The following CEP170 variants were observed in gnomAD, a reference collection of about 807,000 sequenced individuals.
The protein encoded by CEP170 is centrosomal protein of 170 kDa.
CEP170 carries 21 observed loss-of-function variants against 151.9 expected under a neutral mutation model. That is an observed-to-expected ratio of 0.14 (90% confidence interval 0.10 to 0.20). The LOEUF (loss-of-function observed/expected upper bound fraction) is 0.20, where lower values mean the gene tolerates loss of function less well. Among genes scored for constraint, CEP170 ranks in the 10% least tolerant of loss-of-function variants. The pLI is 1.00. For missense variants in CEP170, 964 were observed against 1,892.9 expected, an observed-to-expected ratio of 0.51 and a Z score of 9.11; for synonymous variants, 356 against 648.8, an observed-to-expected ratio of 0.55 and a Z score of 6.86.
At chr1:243,236,627 G>A (rs1174415176) in intron 1 of CEP170, among the ~76,000 whole-genome samples, 1 of 152,084 alleles carries the variant, frequency 6.6e-6, no homozygotes, top group Non-Finnish European at 1.5e-5. Flanking sequence ...AGTAAACTGG[G>A]GTATAGCATG....
At chr1:243,218,797 C>T (rs1424843118) in intron 3 of CEP170, among the ~76,000 whole-genome samples, 1 of 152,168 alleles carries the variant, frequency 6.6e-6, no homozygotes, top group African/African-American at 2.4e-5. Flanking sequence ...CTTTACAACA[C>T]ATACAACACG....
chr1:243,168,689 T>C (rs2058618685), intron 12 of CEP170, among the ~76,000 whole-genome samples: 1 of 151,950 alleles, frequency 6.6e-6, no homozygotes, highest in African/African-American at 2.4e-5. Flanking sequence ...TAAGTGAGAT[T>C]TTGTACCTTT....
At chr1:243,223,236 G>C (rs2062965306) in intron 2 of CEP170, among the ~76,000 whole-genome samples, 1 of 152,112 alleles carries the variant, frequency 6.6e-6, no homozygotes. Flanking sequence ...ATCTCTCTCT[G>C]AGGAAAAGAG....
At chr1:243,178,925 A>ATC (rs2059438224) in intron 10 of CEP170, among the ~76,000 whole-genome samples, 2 of 152,030 alleles carry the variant, frequency 1.3e-5, no homozygotes, top group East Asian at 3.9e-4. Flanking sequence ...TCACCGTGTT[A>ATC]GCCAGGATGG....
At chr1:243,244,881 AATATG>A (rs2149157513) in intron 1 of CEP170, among the ~76,000 whole-genome samples, 1 of 152,364 alleles carries the variant, frequency 6.6e-6, no homozygotes. Context: ...TTAAATCACA[AATATG>A]ATAGGCATGT....
chr1:243,191,247 A>G lies in CEP170; in HGVS notation c.879T>C (p.Thr293=), dbSNP rs1267950427. Residue 293 remains threonine, a synonymous_variant, in exon 8 of 20, where the codon ACT becomes ACC. Coordinates refer to ENST00000366542, the MANE Select transcript of CEP170 (RefSeq NM_014812.3). Reference sequence around the variant, plus strand: ...TAAACTTTGTCACATGGTCTCTAATAGTTACCTTCCCTGGGGTACTGTCAT... The same window carrying G: ...TAAACTTTGTCACATGGTCTCTAATGGTTACCTTCCCTGGGGTACTGTCAT... ...EFDDSTPGKV[T]IRDHVTKFTS... 4 of 1,609,816 alleles carry G rather than the reference A, an allele frequency of 2.5e-6. No individual in the cohort carries two copies. In the South Asian group the frequency reaches 4.4e-5, roughly 18 times the overall value.
chr1:243,131,781 G>A (rs1482378555), intron 17 of CEP170, among the ~76,000 whole-genome samples: 1 of 152,052 alleles, frequency 6.6e-6, no homozygotes, highest in African/African-American at 2.4e-5. Flanking sequence ...TTCAAAATAA[G>A]CTAAACTTCA....
intron 17 of CEP170, among the ~76,000 whole-genome samples, chr1:243,130,241 G>A (rs1984210): frequency 2.0e-5 from 3 of 152,104 alleles, no homozygotes; most frequent in Non-Finnish European, 2.9e-5. Context: ...CTCTTTATAT[G>A]GGAATAAGCA....
At chr1:243,175,937 C>G (rs1256664869) in intron 10 of CEP170, among the ~76,000 whole-genome samples, 1 of 151,970 alleles carries the variant, frequency 6.6e-6, no homozygotes, top group Non-Finnish European at 1.5e-5. Context: ...GCTGGGACTA[C>G]AGGCGCCCGC....
At chr1:243,167,229 C>G (rs1270158884) in intron 12 of CEP170, among the ~76,000 whole-genome samples, 9 of 151,664 alleles carry the variant, frequency 5.9e-5, no homozygotes, top group Admixed American at 5.9e-4. Flanking sequence ...TTTTGGATTT[C>G]CTAAGTAAAG....
chr1:243,225,784 A>G (rs1652940129), intron 1 of CEP170, among the ~76,000 whole-genome samples: 1 of 152,024 alleles, frequency 6.6e-6, no homozygotes, highest in African/African-American at 2.4e-5. Flanking sequence ...GACCAAATAA[A>G]TTGCTCTTTT....
At chr1:243,237,137 A>C (rs1352160595) in intron 1 of CEP170, among the ~76,000 whole-genome samples, 3 of 152,222 alleles carry the variant, frequency 2.0e-5, no homozygotes, top group Non-Finnish European at 4.4e-5. Flanking sequence ...TATATCACTA[A>C]CACACTTTAC....
chr1:243,141,803 G>A (rs1020328768), intron 15 of CEP170, among the ~76,000 whole-genome samples: 14 of 152,092 alleles, frequency 9.2e-5, no homozygotes, highest in Non-Finnish European at 1.8e-4. Context: ...TTATATGTGT[G>A]TATATTACAT....
intron 1 of CEP170, among the ~76,000 whole-genome samples, chr1:243,227,351 T>C (rs375652404): frequency 2.0e-5 from 3 of 152,256 alleles, no homozygotes; most frequent in African/African-American, 7.2e-5. Flanking sequence ...ATAACCAAAA[T>C]GTGTCTCTCA....
At chr1:243,179,126 T>A (rs1190578708) in intron 10 of CEP170, among the ~76,000 whole-genome samples, 5 of 152,234 alleles carry the variant, frequency 3.3e-5, no homozygotes, top group Non-Finnish European at 7.3e-5. Flanking sequence ...TTAGAAGTCT[T>A]ACATCCATAA....
chr1:243,194,476 GTAAT>G lies in CEP170; in HGVS notation c.632-2986_632-2983del, dbSNP rs533304027. The stretch of plus-strand genomic sequence containing the variant: ...TCTGCTTAAGAAGGTGGTAATATGG[GTAAT>G]TAATTTAATAGAAACTTAGGAAATG... On this transcript the variant is annotated intron_variant, in intron 7 of 19. Coordinates refer to ENST00000366542, the MANE Select transcript of CEP170 (RefSeq NM_014812.3). Among the ~76,000 whole-genome samples the G allele has an allele frequency of 2.7e-3, 417 of 151,850 alleles. 3 individuals carry two copies. The highest frequency in any genetic ancestry group is 9.6e-3 in the African/African-American group (398 of 41,444).
intron 4 of CEP170, among the ~76,000 whole-genome samples, chr1:243,206,861 G>C (rs988569662): frequency 1.3e-5 from 2 of 152,020 alleles, no homozygotes; most frequent in Non-Finnish European, 2.9e-5. Flanking sequence ...GTTACTTGAA[G>C]ATAAAACTTG....
At chr1:243,135,308 G>A (rs1330432433) in intron 17 of CEP170, among the ~76,000 whole-genome samples, 5 of 152,042 alleles carry the variant, frequency 3.3e-5, no homozygotes, top group South Asian at 2.1e-4. Context: ...CCGGGTTCAC[G>A]CCATTCTCCT....
At position 243,165,630 on chromosome 1, in the gene CEP170, C is replaced by T. The variant is rs541374852; in HGVS notation, c.2330G>A (p.Arg777Lys). 1.1e-5 allele frequency: 18 copies of T among 1,614,012 alleles called. No individual in the cohort carries two copies. The East Asian group carries it at 3.1e-4, about 28-fold the overall frequency. The change falls in exon 13 of 20, where the codon AGG (arginine) becomes AAG (lysine). Residue 777 changes from arginine (R) to lysine (K), a missense_variant. Physicochemically the swap from Arg to Lys is conservative, Grantham distance 26. Transcript: ENST00000366542. ...KNVSGQTDKC[R>K]EETFKQESQP... ...TGATTCTTGTTTAAAAGTTTCCTCC[C>T]TACATTTATCTGTCTGACCTGAAAC... is the stretch of plus-strand genomic sequence containing the variant.
Sources: gnomAD v4.1 joint callset for allele counts (sites outside exome capture counted in the v4.1 genomes callset) on GRCh38, gnomAD v4.1.1 for gene constraint, MANE v1.5 for transcripts, NCBI Gene and HGNC (gene_info 2026-07-23, HGNC 2026-07-21) for gene names.